RNF144B: variants seen among roughly 807,000 people sequenced by gnomAD.
RNF144B encodes the protein E3 ubiquitin-protein ligase RNF144B.
Under a neutral mutation model 40.2 loss-of-function variants are expected in RNF144B, and 25 were observed. That is an observed-to-expected ratio of 0.62 (90% CI 0.45 to 0.87). RNF144B has a LOEUF of 0.87. Ranked by LOEUF, RNF144B falls within the 40% of genes least tolerant of loss-of-function variation. The pLI is 0.00. For synonymous variants in RNF144B, 145 were observed against 136.3 expected (o/e 1.06, Z -0.44); for missense variants, 365 against 373.7 (o/e 0.98, Z 0.19).
rs200938102 is a variant in RNF144B, at chr6:18,438,842, TTGATTTATATA to T, written c.271-827_271-817del. The stretch of plus-strand genomic sequence containing the variant: ...AGGCTAATATCAAATGTGATTTGAT[TTGATTTATATA>T]TGATTTATATATGAGAAAATCTTTA... On this transcript the variant is annotated intron_variant, in intron 3 of 7. Transcript: ENST00000259939. Among the ~76,000 whole-genome samples the T allele has an allele frequency of 1.5e-4, 23 of 152,278 alleles. No homozygotes were observed. In the East Asian group the frequency reaches 3.1e-3, roughly 20 times the overall value.
intron 2 of RNF144B, among the ~76,000 whole-genome samples, chr6:18,401,352 C>G (rs1013143340): frequency 9.9e-5 from 15 of 152,146 alleles, no homozygotes; most frequent in African/African-American, 3.4e-4. Flanking sequence ...GGAGTTAGTA[C>G]AGTTAGCTTT....
chr6:18,450,860 AG>A lies in RNF144B; in HGVS notation c.332-6294del, dbSNP rs1759195480. Among the ~76,000 whole-genome samples, 1 of 152,238 alleles carries A rather than the reference AG, an allele frequency of 6.6e-6. No homozygotes were observed. Among genetic ancestry groups the A allele is most frequent in the Non-Finnish European group, 1.5e-5 (1 of 68,042 alleles). On this transcript the variant is annotated intron_variant, in intron 4 of 7. Coordinates refer to ENST00000259939, the MANE Select transcript of RNF144B (RefSeq NM_182757.4). This position sits in a 1 kb window ranked among gnomAD's most constrained non-coding sequence, Gnocchi z 4.7. ...TGCTACCTCAGGGATTTTTTAAAAA[AG>A]ATCTGTTGATATGGTGCTTTATCTC...
chr6:18,427,747 GTCTT>G, intron 3 of RNF144B, 62 bp downstream of exon 3: 1 of 1,110,966 alleles, frequency 9.0e-7, no homozygotes, highest in Non-Finnish European at 1.3e-6. Context: ...AGGATCTTGA[GTCTT>G]TATGTATTTC....
In RNF144B at chr6:18,434,096, G is replaced by A. The variant is rs775601980; in HGVS notation, c.271-5588G>A. ...AATTTTTAAAGCAACTGTAGCAGAA[G>A]CATGATTTGAAGGACCAAACCTAAG... On this transcript the variant is annotated intron_variant, in intron 3 of 7. Coordinates refer to ENST00000259939, the MANE Select transcript of RNF144B (RefSeq NM_182757.4). The surrounding 1 kb of genome is among the most constrained non-coding windows in gnomAD (Gnocchi z 4.1). Among the ~76,000 whole-genome samples the A allele has an allele frequency of 7.2e-5, 11 of 152,182 alleles. No individual in the cohort carries two copies. Among genetic ancestry groups the A allele is most frequent in the Admixed American group, 3.3e-4 (5 of 15,284 alleles).
chr6:18,417,520 C>G (rs891355860), intron 2 of RNF144B, among the ~76,000 whole-genome samples: 3 of 152,152 alleles, frequency 2.0e-5, no homozygotes, highest in Admixed American at 1.3e-4. Context: ...AACTGGATAT[C>G]TGTTTGCAAA....
chr6:18,393,498 A>G (rs1400958427), intron 1 of RNF144B, among the ~76,000 whole-genome samples: 2 of 152,224 alleles, frequency 1.3e-5, no homozygotes, highest in Admixed American at 6.5e-5. Context: ...ACTAGACTCA[A>G]TTAGTACCAT....
chr6:18,399,218 A>G (rs1351098730), intron 1 of RNF144B, among the ~76,000 whole-genome samples: 2 of 152,130 alleles, frequency 1.3e-5, no homozygotes, highest in Non-Finnish European at 2.9e-5. Flanking sequence ...TGTAAGCTTG[A>G]CCAACATCTC....
In RNF144B at chr6:18,456,590, A is replaced by G. The variant is rs548140231; in HGVS notation, c.332-565A>G. Among the ~76,000 whole-genome samples the G allele has an allele frequency of 8.5e-5, 13 of 152,346 alleles. No homozygotes were observed. The highest frequency in any genetic ancestry group is 1.8e-4 in the Non-Finnish European group (12 of 68,034). ...AAAGTCTTGTGAATTTTGTTTACAGAGAACACTTTTTATCTGTTCATAAAG... is the reference window on the plus strand; with the variant it reads ...AAAGTCTTGTGAATTTTGTTTACAGGGAACACTTTTTATCTGTTCATAAAG... On this transcript the variant is annotated intron_variant, in intron 4 of 7. Transcript: ENST00000259939. The surrounding 1 kb of genome is among the most constrained non-coding windows in gnomAD (Gnocchi z 4.7).
At chr6:18,455,321 T>C (rs1759301509) in intron 4 of RNF144B, among the ~76,000 whole-genome samples, 1 of 152,166 alleles carries the variant, frequency 6.6e-6, no homozygotes, top group African/African-American at 2.4e-5. Context: ...AGACCATATA[T>C]TTAAGGATGC....
At chr6:18,430,631 G>A (rs1758671091) in intron 3 of RNF144B, among the ~76,000 whole-genome samples, 1 of 150,402 alleles carries the variant, frequency 6.6e-6, no homozygotes, top group Non-Finnish European at 1.5e-5. Flanking sequence ...CTACAGATGT[G>A]CACCACCATG....
rs113542413 is a variant in RNF144B, at chr6:18,412,678, T to C, written c.165+12979T>C. On this transcript the variant is annotated intron_variant, in intron 2 of 7. Transcript: ENST00000259939. The surrounding 1 kb of genome is among the most constrained non-coding windows in gnomAD (Gnocchi z 4.2). ...GAAAATTCAGTTTTTTAAAATCCCA[T>C]TTTCTGTATATTTCAGTTCATTAAA... 0.086 allele frequency among the ~76,000 whole-genome samples: 13,112 copies of C among 152,208 alleles called. 700 individuals carry two copies. The highest frequency in any genetic ancestry group is 0.11 in the Non-Finnish European group (7,673 of 68,010).
chr6:18,410,723 T>C lies in RNF144B; in HGVS notation c.165+11024T>C, dbSNP rs1795014905. 6.6e-6 allele frequency among the ~76,000 whole-genome samples: 1 copy of C among 151,888 alleles called. No individual in the cohort carries two copies. Among genetic ancestry groups the C allele is most frequent in the African/African-American group, 2.4e-5 (1 of 41,316 alleles). On this transcript the variant is annotated intron_variant, in intron 2 of 7. Coordinates refer to ENST00000259939, the MANE Select transcript of RNF144B (RefSeq NM_182757.4). The surrounding 1 kb of genome is among the most constrained non-coding windows in gnomAD (Gnocchi z 4.6). ...AAACATTATGGAGCCACTGGAAGGC[T>C]TTGTTTGGGAATGAGATAGGGAGGA...
At chr6:18,437,674 T>A (rs539624016) in intron 3 of RNF144B, among the ~76,000 whole-genome samples, 1 of 152,302 alleles carries the variant, frequency 6.6e-6, no homozygotes, top group African/African-American at 2.4e-5. Context: ...GACAAAAAAA[T>A]TAGAAATCTA....
intron 3 of RNF144B, among the ~76,000 whole-genome samples, chr6:18,439,338 T>C (rs1758895509): frequency 1.3e-5 from 2 of 152,154 alleles, no homozygotes; most frequent in African/African-American, 4.8e-5. Flanking sequence ...AATGAAGATA[T>C]AGAGAAAGGA....
rs910781193 is a variant in RNF144B at position 18,434,873 on chromosome 6, G to A, written c.271-4811G>A. 6.6e-5 allele frequency among the ~76,000 whole-genome samples: 10 copies of A among 152,148 alleles called. No homozygotes were observed. Among genetic ancestry groups the A allele is most frequent in the East Asian group, 1.9e-4 (1 of 5,180 alleles). On this transcript the variant is annotated intron_variant, in intron 3 of 7. Transcript: ENST00000259939. The surrounding 1 kb of genome is among the most constrained non-coding windows in gnomAD (Gnocchi z 4.1). Reference sequence around the variant, plus strand: ...CCTGACCTCGTGATCCACCTGCCTCGGCCTCCCAAAGTGCTAGGATTACAG... The same window carrying A: ...CCTGACCTCGTGATCCACCTGCCTCAGCCTCCCAAAGTGCTAGGATTACAG...
At position 18,434,884 on chromosome 6, in the gene RNF144B, G is replaced by A. The variant is rs1369425668; in HGVS notation, c.271-4800G>A. Among the ~76,000 whole-genome samples, 2 of 152,178 alleles carry A rather than the reference G, an allele frequency of 1.3e-5. No individual in the cohort carries two copies. The highest frequency in any genetic ancestry group is 2.9e-5 in the Non-Finnish European group (2 of 68,034). ...GATCCACCTGCCTCGGCCTCCCAAA[G>A]TGCTAGGATTACAGGCGTAAGCCAC... On this transcript the variant is annotated intron_variant, in intron 3 of 7. Coordinates refer to ENST00000259939, the MANE Select transcript of RNF144B (RefSeq NM_182757.4). This position sits in a 1 kb window ranked among gnomAD's most constrained non-coding sequence, Gnocchi z 4.1.
rs1038355120 is a variant in RNF144B at position 18,448,056 on chromosome 6, A to G, written c.331+8312A>G. On this transcript the variant is annotated intron_variant, in intron 4 of 7. Coordinates refer to ENST00000259939, the MANE Select transcript of RNF144B (RefSeq NM_182757.4). The surrounding 1 kb of genome is among the most constrained non-coding windows in gnomAD (Gnocchi z 4.0). ...GACAAGTGGGTTTTAGTGGAATGAC[A>G]GAGAAGTGCCAGCTTGGAGAGGGTT... 1.3e-5 allele frequency among the ~76,000 whole-genome samples: 2 copies of G among 152,336 alleles called. No individual in the cohort carries two copies. The highest frequency in any genetic ancestry group is 4.8e-5 in the African/African-American group (2 of 41,574).
At position 18,416,208 on chromosome 6, in the gene RNF144B, A is replaced by G. The variant is rs1795146804; in HGVS notation, c.166-11373A>G. On this transcript the variant is annotated intron_variant, in intron 2 of 7. Coordinates refer to ENST00000259939, the MANE Select transcript of RNF144B (RefSeq NM_182757.4). The surrounding 1 kb of genome is among the most constrained non-coding windows in gnomAD (Gnocchi z 5.5). The stretch of plus-strand genomic sequence containing the variant: ...AGAGGGATCTCTTTGGGATTAGTAT[A>G]AAAAGTGGGGCCTCCTTCTGTTAAG... Among the ~76,000 whole-genome samples the G allele has an allele frequency of 6.6e-6, 1 of 152,316 alleles. No homozygotes were observed. Among genetic ancestry groups the G allele is most frequent in the Non-Finnish European group, 1.5e-5 (1 of 68,024 alleles).
intron 2 of RNF144B, among the ~76,000 whole-genome samples, chr6:18,421,273 TACAC>T (rs1170609706): frequency 0.12 from 12,546 of 101,964 alleles, 736 homozygotes; most frequent in South Asian, 0.19. Flanking sequence ...TTATATATTA[TACAC>T]ACACACACAC....
Sources: gnomAD v4.1 joint callset for allele counts (sites outside exome capture counted in the v4.1 genomes callset) on GRCh38, gnomAD v4.1.1 for gene constraint, Gnocchi (gnomAD v3.1) non-coding constraint, MANE v1.5 for transcripts, NCBI Gene and HGNC (gene_info 2026-07-23, HGNC 2026-07-21) for gene names.